Variants in COPG2 observed in about 807,000 individuals in gnomAD.
The protein encoded by COPG2 is coatomer subunit gamma-2.
In COPG2, 37 loss-of-function variants were observed where a neutral mutation model predicts 46.3. The observed-to-expected ratio is 0.80, with a 90% CI of 0.61 to 1.05. COPG2 has a LOEUF of 1.05. COPG2 is among the 50% of genes least tolerant of loss of function. The pLI is 0.00. For missense variants in COPG2, 427 were observed against 387.8 expected, an observed-to-expected ratio of 1.10 and a Z score of -0.85; for synonymous variants, 159 against 129.7, an observed-to-expected ratio of 1.23 and a Z score of -1.53.
At chr7:130,631,766 A>G (rs1795238293) in intron 5 of COPG2, among the ~76,000 whole-genome samples, 1 of 152,196 alleles carries the variant, frequency 6.6e-6, no homozygotes, top group Non-Finnish European at 1.5e-5. Context: ...GCAGTCAATT[A>G]ACTTTTAAAA....
intron 9 of COPG2, among the ~76,000 whole-genome samples, chr7:130,592,810 T>C (rs1331141301): frequency 6.6e-6 from 1 of 152,224 alleles, no homozygotes; most frequent in East Asian, 1.9e-4. Flanking sequence ...AAATTTATGC[T>C]AGGTTGTCAA....
chr7:130,547,963 C>T (rs1022112067), intron 19 of COPG2, 118 bp from the exon 20 acceptor site: 1 of 397,388 alleles, frequency 2.5e-6, no homozygotes, highest in African/African-American at 2.1e-5. Context: ...CAGGGTAGGT[C>T]TCCTCCTAAG....
chr7:130,644,830 G>A (rs1200769907), intron 5 of COPG2, among the ~76,000 whole-genome samples: 1 of 152,138 alleles, frequency 6.6e-6, no homozygotes, highest in African/African-American at 2.4e-5. Flanking sequence ...GGGAGGCCGA[G>A]GCAGGCAGAT....
chr7:130,622,564 C>T (rs12706947), intron 5 of COPG2, among the ~76,000 whole-genome samples: 64,447 of 152,026 alleles, frequency 0.42, 16,575 homozygotes, highest in East Asian at 0.59. Flanking sequence ...GGCTTCAAGA[C>T]GGTAGCAATC....
intron 1 of COPG2, 146 bp downstream of exon 1, chr7:130,668,486 G>A: frequency 3.6e-6 from 2 of 549,300 alleles, no homozygotes; most frequent in Non-Finnish European, 5.6e-6. Flanking sequence ...GCAGCCGCGA[G>A]GGGAGGGGAG....
chr7:130,641,257 T>C (rs1013930161), intron 5 of COPG2, among the ~76,000 whole-genome samples: 1 of 150,902 alleles, frequency 6.6e-6, no homozygotes, highest in Non-Finnish European at 1.5e-5. Context: ...AGTCAGTACC[T>C]ATAATGACAT....
At chr7:130,613,784 A>G in intron 6 of COPG2, 148 bp from the exon 7 acceptor site, 1 of 610,676 alleles carries the variant, frequency 1.6e-6, no homozygotes, top group South Asian at 2.0e-5. Flanking sequence ...TAATATAGTA[A>G]TAATATCCCA....
At chr7:130,570,459 C>T (rs1793876371) in intron 9 of COPG2, among the ~76,000 whole-genome samples, 1 of 151,912 alleles carries the variant, frequency 6.6e-6, no homozygotes, top group Non-Finnish European at 1.5e-5. Flanking sequence ...ACAATAGCTG[C>T]AATAAAATAA....
intron 5 of COPG2, among the ~76,000 whole-genome samples, chr7:130,651,386 G>A (rs1294630062): frequency 6.7e-6 from 1 of 149,538 alleles, no homozygotes; most frequent in African/African-American, 2.5e-5. Flanking sequence ...GCACGATCTC[G>A]GCTCACCGCA....
Position 130,538,685 on chromosome 7 carries a change from TG to T in COPG2, c.2149+8988del, listed in dbSNP as rs1436583663. Among the ~76,000 whole-genome samples the T allele has an allele frequency of 1.5e-4, 8 of 55,004 alleles. No homozygotes were observed. In the East Asian group the frequency reaches 4.9e-3, roughly 34 times the overall value. The allele number at this position is 55,004 out of a possible 152,430, so 36.1% of individuals were successfully genotyped here. A position where few individuals can be genotyped will look rare whatever the true frequency, so the allele number is the denominator to read the frequency against. ...AGGTAAACCTTGGGGGCTGGGGGCC[TG>T]GGAGGGGATGGACTCATGTGTTTTG... On this transcript the variant is annotated intron_variant, in intron 20 of 23. Transcript: ENST00000425248.
intron 5 of COPG2, among the ~76,000 whole-genome samples, chr7:130,626,190 T>C (rs1795116157): frequency 6.6e-6 from 1 of 152,110 alleles, no homozygotes; most frequent in Non-Finnish European, 1.5e-5. Flanking sequence ...TGCTATATAG[T>C]CTATAGATTC....
intron 9 of COPG2, among the ~76,000 whole-genome samples, chr7:130,579,360 G>A (rs1413838469): frequency 1.3e-5 from 2 of 149,550 alleles, no homozygotes; most frequent in Non-Finnish European, 3.0e-5. Context: ...GCTAAACATG[G>A]AAAGGAACAA....
chr7:130,577,577 A>C (rs1554446437), intron 9 of COPG2, among the ~76,000 whole-genome samples: 1 of 151,502 alleles, frequency 6.6e-6, no homozygotes, highest in Non-Finnish European at 1.5e-5. Context: ...CTGGCTAACA[A>C]GGTGAAACCC....
chr7:130,561,314 G>A, intron 11 of COPG2, 93 bp from the exon 12 acceptor site: 3 of 397,488 alleles, frequency 7.5e-6, no homozygotes, highest in Non-Finnish European at 1.3e-5. Context: ...ATCCAAAGAG[G>A]ACAGGATAAG....
chr7:130,590,656 G>A (rs1325524546), intron 9 of COPG2, among the ~76,000 whole-genome samples: 1 of 152,058 alleles, frequency 6.6e-6, no homozygotes, highest in East Asian at 1.9e-4. Context: ...TGCTGAGATT[G>A]CAGCCTCTGC....
At chr7:130,528,602 T>C (rs1799796146) in intron 20 of COPG2, among the ~76,000 whole-genome samples, 2 of 151,710 alleles carry the variant, frequency 1.3e-5, no homozygotes, top group South Asian at 4.2e-4. Flanking sequence ...GACAGTACCG[T>C]GCTATGCAGT....
chr7:130,588,618 GGGGATCATCACACACTGAGGACTGTTGT>G (rs1483972607), intron 9 of COPG2, among the ~76,000 whole-genome samples: 1 of 152,170 alleles, frequency 6.6e-6, no homozygotes, highest in Non-Finnish European at 1.5e-5. Context: ...GACACAGGAA[GGGGATCATCACACACTGAGGACTGTTGT>G]GGGGCAGGGG....
intron 5 of COPG2, among the ~76,000 whole-genome samples, chr7:130,626,076 T>C (rs1203688390): frequency 6.6e-6 from 1 of 152,186 alleles, no homozygotes. Flanking sequence ...AGCACATCCA[T>C]CTCCTCAAAC....
intron 7 of COPG2, among the ~76,000 whole-genome samples, chr7:130,612,618 A>G (rs1407747784): frequency 5.3e-5 from 8 of 152,210 alleles, no homozygotes; most frequent in African/African-American, 1.9e-4. Flanking sequence ...AACTCAGCCA[A>G]TTATATTCCA....
Sources: allele counts gnomAD v4.1 joint callset (sites outside exome capture counted in the v4.1 genomes callset), GRCh38; gene constraint gnomAD v4.1.1; transcripts MANE v1.5; gene names NCBI Gene and HGNC (gene_info 2026-07-23, HGNC 2026-07-21).